The following FRAS1 variants were observed in gnomAD, a reference collection of about 807,000 sequenced individuals.
The protein encoded by FRAS1 is extracellular matrix organizing protein FRAS1.
In FRAS1, 290 loss-of-function variants were observed where a neutral mutation model predicts 435.2. The observed-to-expected ratio is 0.67, with a 90% confidence interval of 0.61 to 0.73. The LOEUF (loss-of-function observed/expected upper bound fraction) is 0.73, where lower values mean the gene tolerates loss of function less well. Among genes scored for constraint, FRAS1 ranks in the 30% least tolerant of loss-of-function variants. The pLI, the probability that FRAS1 is intolerant of heterozygous loss-of-function variation, is 0.00. For synonymous variants in FRAS1, 1,800 were observed against 1,851.0 expected, an observed-to-expected ratio of 0.97 and a Z score of 0.71; for missense variants, 4,860 against 5,001.5, an observed-to-expected ratio of 0.97 and a Z score of 0.85.
intron 20 of FRAS1, among the ~76,000 whole-genome samples, chr4:78,361,958 C>T (rs1731088044): frequency 6.6e-6 from 1 of 152,094 alleles, no homozygotes; most frequent in Admixed American, 6.5e-5. Flanking sequence ...ATAAATGGGA[C>T]TTAAAGGGTA....
At chr4:78,068,403 C>T in intron 2 of FRAS1, 1 of 407,554 alleles carries the variant, frequency 2.5e-6, no homozygotes, top group South Asian at 1.8e-5. Context: ...GAGAGAATTC[C>T]AGAGATAGGG....
chr4:78,279,086 T>C (rs1425000110), intron 10 of FRAS1, among the ~76,000 whole-genome samples: 1 of 152,136 alleles, frequency 6.6e-6, no homozygotes, highest in African/African-American at 2.4e-5. Flanking sequence ...GGGGGATGTG[T>C]TCCTTTACAT....
rs1037561005 is a variant in FRAS1 at position 78,334,188 on chromosome 4, T to C, written c.2278+776T>C. ...GAAAGTTCAGAATAGGAAAAATAAA[T>C]GGGGGTTTGGGGATAAAGATAACTG... On this transcript the variant is annotated intron_variant, in intron 19 of 73. Transcript: ENST00000512123. 2.0e-5 allele frequency among the ~76,000 whole-genome samples: 3 copies of C among 151,980 alleles called. No individual in the cohort carries two copies. In the South Asian group the frequency reaches 6.2e-4, roughly 32 times the overall value.
chr4:78,271,134 T>G (rs1726654933), intron 9 of FRAS1, among the ~76,000 whole-genome samples: 1 of 152,206 alleles, frequency 6.6e-6, no homozygotes, highest in Non-Finnish European at 1.5e-5. Flanking sequence ...ATTAGTATAG[T>G]GTTTTTAAAC....
At chr4:78,387,323 G>T in intron 28 of FRAS1, 52 bp from the exon 29 acceptor site, 1 of 1,360,840 alleles carries the variant, frequency 7.3e-7, no homozygotes, top group Non-Finnish European at 1.0e-6. Flanking sequence ...TAGTCCACTG[G>T]ATTGTCCTTT....
intron 2 of FRAS1, among the ~76,000 whole-genome samples, chr4:78,213,767 C>T (rs1030924990): frequency 2.0e-5 from 3 of 152,130 alleles, no homozygotes; most frequent in Non-Finnish European, 4.4e-5. Context: ...ATTAACTCTG[C>T]AAACACTAAC....
intron 2 of FRAS1, among the ~76,000 whole-genome samples, chr4:78,207,960 A>G (rs1055830208): frequency 6.6e-6 from 1 of 152,130 alleles, no homozygotes; most frequent in Non-Finnish European, 1.5e-5. Flanking sequence ...CGCATTGTGA[A>G]CCTTTGCTCC....
chr4:78,062,590 C>A (rs1739806952), intron 1 of FRAS1, among the ~76,000 whole-genome samples: 1 of 151,922 alleles, frequency 6.6e-6, no homozygotes, highest in Non-Finnish European at 1.5e-5. Context: ...CTCAGTTTAC[C>A]AACGGTTTCA....
In FRAS1 at chr4:78,278,729, A is replaced by G; in HGVS notation, c.1056A>G (p.Glu352=). The change falls in exon 10 of 74, where the codon GAA becomes GAG. Residue 352 remains glutamate (E), a synonymous_variant. Coordinates refer to ENST00000512123, the MANE Select transcript of FRAS1 (RefSeq NM_025074.7). ...CAAGGAATGGTTATTGTGTTTATGA[A>G]GAAACTGGAGAATTTGTGAGTATCA... is the stretch of plus-strand genomic sequence containing the variant. ...CISRNGYCVY[E]ETGEFMSSNA... is the part of the protein sequence containing the mutation. 3 of 1,589,546 alleles carry G rather than the reference A, an allele frequency of 1.9e-6. No homozygotes were observed. Among genetic ancestry groups the G allele is most frequent in the Non-Finnish European group, 2.6e-6 (3 of 1,159,014 alleles).
intron 59 of FRAS1, among the ~76,000 whole-genome samples, chr4:78,493,438 C>T (rs1428450060): frequency 6.6e-6 from 1 of 152,040 alleles, no homozygotes; most frequent in African/African-American, 2.4e-5. Context: ...GATAAAGAAA[C>T]TGTGGCACAC....
chr4:78,085,310 T>A (rs898633519), intron 2 of FRAS1, among the ~76,000 whole-genome samples: 3 of 152,150 alleles, frequency 2.0e-5, no homozygotes, highest in Non-Finnish European at 4.4e-5. Flanking sequence ...CATCGTCTGT[T>A]TATACCTCCT....
intron 30 of FRAS1, among the ~76,000 whole-genome samples, chr4:78,403,273 T>C (rs1363624531): frequency 6.6e-6 from 1 of 152,200 alleles, no homozygotes; most frequent in African/African-American, 2.4e-5. Flanking sequence ...CTGAATTAAA[T>C]GTTTTTTTAA....
intron 33 of FRAS1, 109 bp from the exon 34 acceptor site, chr4:78,421,754 C>A: frequency 7.8e-7 from 1 of 1,278,124 alleles, no homozygotes; most frequent in South Asian, 1.4e-5. Context: ...AGTCAGTTTC[C>A]GAAGAATGTC....
intron 2 of FRAS1, among the ~76,000 whole-genome samples, chr4:78,156,015 T>C (rs933540913): frequency 1.3e-5 from 2 of 152,222 alleles, no homozygotes; most frequent in African/African-American, 4.8e-5. Flanking sequence ...TTCTCTCCTT[T>C]GTGCTCATCA....
intron 32 of FRAS1, among the ~76,000 whole-genome samples, chr4:78,415,695 A>G (rs1733527441): frequency 6.6e-6 from 1 of 152,238 alleles, no homozygotes; most frequent in African/African-American, 2.4e-5. Flanking sequence ...GTAAGAAATG[A>G]GAGTCAGATC....
chr4:78,127,539 A>G (rs1719427967), intron 2 of FRAS1, among the ~76,000 whole-genome samples: 1 of 152,256 alleles, frequency 6.6e-6, no homozygotes, highest in South Asian at 2.1e-4. Flanking sequence ...ATATTTAAGA[A>G]GTAAGGTCAT....
At chr4:78,475,822 T>C (rs562086098) in intron 54 of FRAS1, among the ~76,000 whole-genome samples, 10 of 152,244 alleles carry the variant, frequency 6.6e-5, no homozygotes, top group Admixed American at 2.0e-4. Context: ...GGGAAGTTGT[T>C]GTCTAGCTTC....
chr4:78,388,869 G>GT (rs1732333917), intron 29 of FRAS1, among the ~76,000 whole-genome samples: 1 of 151,916 alleles, frequency 6.6e-6, no homozygotes, highest in Non-Finnish European at 1.5e-5. Context: ...ACCTTTTTAT[G>GT]TTTTCGCCAT....
At chr4:78,153,490 C>G (rs1372171398) in intron 2 of FRAS1, among the ~76,000 whole-genome samples, 1 of 152,100 alleles carries the variant, frequency 6.6e-6, no homozygotes. Flanking sequence ...CATTGTTTGT[C>G]GAAGCACCCT....
Sources: gnomAD v4.1 joint callset for allele counts (sites outside exome capture counted in the v4.1 genomes callset) on GRCh38, gnomAD v4.1.1 for gene constraint, MANE v1.5 for transcripts, NCBI Gene and HGNC (gene_info 2026-07-23, HGNC 2026-07-21) for gene names.